The following TNS1 variants were observed in gnomAD, a reference collection of about 807,000 sequenced individuals.
TNS1 encodes the protein tensin 1.
A neutral mutation model predicts 168.6 loss-of-function variants in TNS1; 62 were observed. The observed-to-expected ratio is 0.37, with a 90% CI of 0.30 to 0.45. The LOEUF is 0.45. Ranked by LOEUF, TNS1 falls within the 20% of genes least tolerant of loss-of-function variation. The pLI, the probability that TNS1 is intolerant of heterozygous loss-of-function variation, is 1.00. For missense variants in TNS1, 2,240 were observed against 2,339.4 expected (o/e 0.96, Z 0.88); for synonymous variants, 934 against 933.2 (o/e 1.00, Z -0.02).
chr2:217,877,627 C>CT (rs1448633002), intron 18 of TNS1, among the ~76,000 whole-genome samples: 1 of 152,224 alleles, frequency 6.6e-6, no homozygotes, highest in East Asian at 1.9e-4. Flanking sequence ...GGAGAGGGCT[C>CT]TAAGTGTCAC....
exon 1 of TNS1, chr2:218,010,352 C>G (rs1348532839): frequency 2.5e-6 from 1 of 394,964 alleles, no homozygotes; most frequent in African/African-American, 2.1e-5. Flanking sequence ...GAGGAGCAGC[C>G]CGTGTCCTGC....
chr2:217,832,493 T>C (rs1374518842), intron 21 of TNS1, among the ~76,000 whole-genome samples: 1 of 152,146 alleles, frequency 6.6e-6, no homozygotes, highest in Non-Finnish European at 1.5e-5. Flanking sequence ...TCAACGACAT[T>C]GGGAGCCTGC....
At chr2:217,812,568 A>G in intron 27 of TNS1, 123 bp from the exon 28 acceptor site, 1 of 720,504 alleles carries the variant, frequency 1.4e-6, no homozygotes, top group Non-Finnish European at 2.3e-6. Flanking sequence ...ACCTCAACCC[A>G]CCACCAAAGC....
intron 19 of TNS1, among the ~76,000 whole-genome samples, chr2:217,838,651 C>T (rs990572870): frequency 3.3e-5 from 5 of 152,260 alleles, no homozygotes; most frequent in Non-Finnish European, 5.9e-5. Context: ...CCAGTCAGGG[C>T]CACTCACATT....
chr2:217,834,995 C>A lies in TNS1; in HGVS notation c.3280+96G>T, dbSNP rs1043823604. The A allele has an allele frequency of 6.2e-6, 7 of 1,120,948 alleles. No homozygotes were observed. The African/African-American group carries it at 1.1e-4, about 18-fold the overall frequency. The allele number at this position is 1,120,948 out of a possible 1,614,324, so 69.4% of individuals were successfully genotyped here. A position where few individuals can be genotyped will look rare whatever the true frequency, so the allele number is the denominator to read the frequency against. ...TCTGGCCCCACCTGGGGCACTGTCA[C>A]CCCCAACCCTCAGGCCTGGGGCACT... On this transcript the variant is annotated intron_variant, in intron 21 of 32. Coordinates refer to ENST00000682258, the MANE Select transcript of TNS1 (RefSeq NM_001387777.1).
At chr2:217,941,742 C>A (rs1956922852) in intron 3 of TNS1, among the ~76,000 whole-genome samples, 1 of 152,336 alleles carries the variant, frequency 6.6e-6, no homozygotes, top group South Asian at 2.1e-4. Flanking sequence ...AAACTCCCCC[C>A]AGTACAAGAT....
At chr2:217,894,478 G>A (rs532042659) in intron 9 of TNS1, among the ~76,000 whole-genome samples, 107 of 152,272 alleles carry the variant, frequency 7.0e-4, no homozygotes, top group Middle Eastern at 3.4e-3. Context: ...CCAACACGGC[G>A]AAACCCCATC....
chr2:217,926,270 A>G (rs909724529), intron 3 of TNS1, among the ~76,000 whole-genome samples: 2 of 152,218 alleles, frequency 1.3e-5, no homozygotes, highest in Non-Finnish European at 2.9e-5. Flanking sequence ...GGCGTATGGT[A>G]TTTTGTTATG....
At chr2:218,010,855 T>A (rs778936761), upstream of TNS1, among the ~76,000 whole-genome samples, 15 of 152,142 alleles carry the variant, frequency 9.9e-5, no homozygotes, top group Non-Finnish European at 1.9e-4. Flanking sequence ...ATGACCCAAG[T>A]AGACACATCC....
At chr2:217,988,771 G>A (rs758354557) in intron 2 of TNS1, among the ~76,000 whole-genome samples, 6 of 152,034 alleles carry the variant, frequency 3.9e-5, no homozygotes, top group Non-Finnish European at 8.8e-5. Context: ...GAGAGCCCAC[G>A]TCCTGAAATC....
Position 217,859,778 on chromosome 2 carries a change from C to A in TNS1, c.1430-10691G>T, listed in dbSNP as rs1948611767. The A allele has an allele frequency of 2.6e-5, 31 of 1,186,860 alleles. No individual in the cohort carries two copies. In the South Asian group the frequency reaches 4.0e-4, roughly 15 times the overall value. The allele number at this position is 1,186,860 out of a possible 1,614,324, so 73.5% of individuals were successfully genotyped here. A position where few individuals can be genotyped will look rare whatever the true frequency, so the allele number is the denominator to read the frequency against. ...CACCCTCGTTCCCAACCACCCAGAT[C>A]CGAGAGCCATGCAGCTGAAAGGCAG... On this transcript the variant is annotated intron_variant, in intron 18 of 32. Transcript: ENST00000682258.
At chr2:217,920,596 A>G (rs1467725319) in intron 3 of TNS1, among the ~76,000 whole-genome samples, 1 of 146,548 alleles carries the variant, frequency 6.8e-6, no homozygotes, top group African/African-American at 2.6e-5. Context: ...TATGTCCTGA[A>G]TTTTCTACAA....
At chr2:217,976,999 C>T (rs1036065043) in intron 3 of TNS1, among the ~76,000 whole-genome samples, 3 of 152,194 alleles carry the variant, frequency 2.0e-5, no homozygotes, top group Non-Finnish European at 2.9e-5. Context: ...CCTCAGTTTC[C>T]TCATCTGTAA....
chr2:218,005,058 C>G (rs1159351795), upstream of TNS1, among the ~76,000 whole-genome samples: 2 of 152,104 alleles, frequency 1.3e-5, no homozygotes, highest in Non-Finnish European at 2.9e-5. Context: ...CTATCACCAG[C>G]TCTGCCAGGC....
intron 18 of TNS1, among the ~76,000 whole-genome samples, chr2:217,879,075 C>A (rs550546381): frequency 6.6e-6 from 1 of 152,182 alleles, no homozygotes; most frequent in Non-Finnish European, 1.5e-5. Context: ...GAGCCGCTCT[C>A]GGCTCTGCTG....
In TNS1 at chr2:217,818,652, G is replaced by A. The variant is rs200802885; in HGVS notation, c.3680C>T (p.Pro1227Leu). 16 of 1,614,074 alleles carry A rather than the reference G, an allele frequency of 9.9e-6. No homozygotes were observed. The highest frequency in any genetic ancestry group is 1.4e-5 in the Non-Finnish European group (16 of 1,180,034). ...GTAGTTTCTCTGGGCAGACGGGCTG[G>A]GCTGTCCCAGGCTGCCTGAGCGGAA... ...SGFRSGSLGQ[P>L]SPSAQRNYQS... is the part of the protein sequence containing the mutation. Residue 1227 changes from proline (P) to leucine (L), a missense_variant, in exon 24 of 33, where the codon CCC becomes CTC. Physicochemically the swap from Pro to Leu is moderately conservative, Grantham distance 98. Coordinates refer to ENST00000682258, the MANE Select transcript of TNS1 (RefSeq NM_001387777.1).
At chr2:217,893,685 G>T in intron 9 of TNS1, 124 bp from the exon 10 acceptor site, 1 of 1,393,702 alleles carries the variant, frequency 7.2e-7, no homozygotes. Context: ...TTCCTGCCAG[G>T]ACTTGGTTCC....
chr2:217,814,025 C>T lies in TNS1; in HGVS notation c.4730-209G>A, dbSNP rs964794043. On this transcript the variant is annotated intron_variant, in intron 25 of 32. Transcript: ENST00000682258. ...GTTTTTATGTTTGTTTTTGTGAGAC[C>T]GGGCCTCACTCTGTCACTCAGGCTG... 17 of 449,400 alleles carry T rather than the reference C, an allele frequency of 3.8e-5. 1 individual carries two copies. The South Asian group carries it at 4.0e-4, about 11-fold the overall frequency. The allele number at this position is 449,400 out of a possible 1,614,324, so 27.8% of individuals were successfully genotyped here.
Position 217,950,205 on chromosome 2 carries a change from T to C in TNS1, c.186+28560A>G, listed in dbSNP as rs76497740. 1.0e-2 allele frequency among the ~76,000 whole-genome samples: 1,519 copies of C among 152,284 alleles called. 33 individuals carry two copies. The highest frequency in any genetic ancestry group is 0.035 in the African/African-American group (1,439 of 41,552). ...AAGGTTAAAGAAACCGAGCCCAATTTTTATTTCAGATAATAAAAAACACAG... is the reference window on the plus strand; with the variant it reads ...AAGGTTAAAGAAACCGAGCCCAATTCTTATTTCAGATAATAAAAAACACAG... On this transcript the variant is annotated intron_variant, in intron 3 of 32. Transcript: ENST00000682258.
Sources: allele counts gnomAD v4.1 joint callset (sites outside exome capture counted in the v4.1 genomes callset), GRCh38; gene constraint gnomAD v4.1.1; transcripts MANE v1.5; gene names NCBI Gene and HGNC (gene_info 2026-07-23, HGNC 2026-07-21).